PCNP: variants seen among roughly 807,000 people sequenced by gnomAD.
PCNP encodes PEST proteolytic signal-containing nuclear protein.
Under a neutral mutation model 21.8 loss-of-function variants are expected in PCNP, and 6 were observed. The observed-to-expected ratio is 0.28, with a 90% confidence interval of 0.15 to 0.54. The LOEUF (loss-of-function observed/expected upper bound fraction) is 0.54, where lower values mean the gene tolerates loss of function less well. PCNP is among the 20% of genes least tolerant of loss of function. The pLI is 0.95. For missense variants in PCNP, 161 were observed against 215.5 expected (o/e 0.75, Z 1.58); for synonymous variants, 67 against 73.2 (o/e 0.92, Z 0.43).
At chr3:101,574,360 G>A in intron 1 of PCNP, 81 bp downstream of exon 1, 1 of 1,444,942 alleles carries the variant, frequency 6.9e-7, no homozygotes, top group Non-Finnish European at 9.3e-7. Flanking sequence ...GGAGTGGGGT[G>A]GGGCGAGAAT....
At position 101,592,792 on chromosome 3, in the gene PCNP, T is replaced by G. The variant is rs1935881975; in HGVS notation, c.*39T>G. The G allele has an allele frequency of 6.3e-7, 1 of 1,584,362 alleles. No homozygotes were observed. Among genetic ancestry groups the G allele is most frequent in the Non-Finnish European group, 8.6e-7 (1 of 1,166,444 alleles). On this transcript the variant is annotated 3_prime_UTR_variant, in exon 5 of 5. Coordinates refer to ENST00000265260, the MANE Select transcript of PCNP (RefSeq NM_020357.3). ...ATTGGGGTGTGGGGTGGGTGTAAAG[T>G]TAAAAGGAACAGTTTCCTTTTTTAA...
chr3:101,590,561 T>A (rs2108292499), intron 4 of PCNP, among the ~76,000 whole-genome samples: 1 of 152,320 alleles, frequency 6.6e-6, no homozygotes, highest in Non-Finnish European at 1.5e-5. Context: ...TAAGACTACT[T>A]CTTGACAGGG....
At chr3:101,590,789 T>G (rs1440687465) in intron 4 of PCNP, among the ~76,000 whole-genome samples, 1 of 152,062 alleles carries the variant, frequency 6.6e-6, no homozygotes, top group African/African-American at 2.4e-5. Context: ...GTGCAAGTGA[T>G]CTCCCCACCT....
In PCNP at chr3:101,590,746, G is replaced by A. The variant is rs9872125; in HGVS notation, c.410+476G>A. 8.6e-5 allele frequency among the ~76,000 whole-genome samples: 13 copies of A among 151,646 alleles called. 1 individual carries two copies. The highest frequency in any genetic ancestry group is 4.2e-4 in the South Asian group (2 of 4,804). On this transcript the variant is annotated intron_variant, in intron 4 of 4. Transcript: ENST00000265260. ...TTATTTTTAGTAGAGGCAAGGTCTC[G>A]CTATGTTGCCCAGGCTGGTCTGTAA... is the stretch of plus-strand genomic sequence containing the variant.
rs60342764 is a variant in PCNP, at chr3:101,584,313, A to T, written c.280-1124A>T. 7.4e-3 allele frequency among the ~76,000 whole-genome samples: 1,121 copies of T among 152,140 alleles called. 7 individuals carry two copies. The highest frequency in any genetic ancestry group is 0.024 in the African/African-American group (1,006 of 41,496). ...TGGTTGTCTGCTAATTTAAAAAAAAATTTTTTTAGAGATGGGGGACTTGCT... is the reference window on the plus strand; with the variant it reads ...TGGTTGTCTGCTAATTTAAAAAAAATTTTTTTTAGAGATGGGGGACTTGCT... On this transcript the variant is annotated intron_variant, in intron 2 of 4. Transcript: ENST00000265260.
chr3:101,574,351 G>C (rs1433376659), intron 1 of PCNP, 72 bp downstream of exon 1: 1 of 1,436,878 alleles, frequency 7.0e-7, no homozygotes, highest in Non-Finnish European at 9.4e-7. Context: ...AGGGTGGGGG[G>C]AGTGGGGTGG....
At chr3:101,581,339 A>T (rs1334676136) in intron 2 of PCNP, among the ~76,000 whole-genome samples, 1 of 152,046 alleles carries the variant, frequency 6.6e-6, no homozygotes, top group African/African-American at 2.4e-5. Context: ...TCTACTATAG[A>T]TGGTCCCCTT....
intron 1 of PCNP, among the ~76,000 whole-genome samples, chr3:101,578,736 T>A (rs971771410): frequency 6.6e-6 from 1 of 152,194 alleles, no homozygotes; most frequent in Non-Finnish European, 1.5e-5. Flanking sequence ...TGTGTTCGAC[T>A]TTTTTTCTCC....
chr3:101,579,710 G>A, intron 1 of PCNP, 80 bp from the exon 2 acceptor site: 5 of 936,180 alleles, frequency 5.3e-6, no homozygotes, highest in Admixed American at 3.4e-5. Flanking sequence ...TCCTTATAAC[G>A]ATGCTTTTTG....
At chr3:101,574,471 C>T (rs1408588281) in intron 1 of PCNP, among the ~76,000 whole-genome samples, 192 bp downstream of exon 1, 13 of 152,204 alleles carry the variant, frequency 8.5e-5, no homozygotes, top group South Asian at 2.1e-4. Context: ...GCCTCCTTGC[C>T]TGGGGAGAGC....
At chr3:101,590,908 A>C (rs1235095070) in intron 4 of PCNP, among the ~76,000 whole-genome samples, 1 of 151,570 alleles carries the variant, frequency 6.6e-6, no homozygotes, top group Non-Finnish European at 1.5e-5. Flanking sequence ...TTTTGCTGGT[A>C]TGAAACAAAT....
intron 2 of PCNP, among the ~76,000 whole-genome samples, chr3:101,581,310 A>T (rs912718410): frequency 6.6e-6 from 1 of 152,116 alleles, no homozygotes; most frequent in African/African-American, 2.4e-5. Context: ...TATGTTAAAT[A>T]TATATTCTCA....
At chr3:101,574,721 A>T (rs1078154) in intron 1 of PCNP, 23,077 of 163,280 alleles carry the variant, frequency 0.14, 1,712 homozygotes, top group South Asian at 0.2. Flanking sequence ...CCGCAGGCTG[A>T]GTTTCTGACG....
chr3:101,578,240 A>G (rs1036431285), intron 1 of PCNP, among the ~76,000 whole-genome samples: 1 of 152,220 alleles, frequency 6.6e-6, no homozygotes, highest in Non-Finnish European at 1.5e-5. Flanking sequence ...TTTGGGCTCC[A>G]CTATGAAATG....
rs116751324 is a variant in PCNP, at chr3:101,581,714, A to G, written c.279+1710A>G. The stretch of plus-strand genomic sequence containing the variant: ...CTCCCAGAGTGCTGGAATTATGGGC[A>G]TGAGCCACCGAGCTCGGCCCCTCTT... On this transcript the variant is annotated intron_variant, in intron 2 of 4. Transcript: ENST00000265260. Among the ~76,000 whole-genome samples the G allele has an allele frequency of 9.8e-3, 1,484 of 151,320 alleles. 27 individuals carry two copies. Among genetic ancestry groups the G allele is most frequent in the African/African-American group, 0.034 (1,410 of 41,242 alleles).
rs1935448562 is a variant in PCNP, at chr3:101,585,452, G to C, written c.295G>C (p.Val99Leu). The change falls in exon 3 of 5, where the codon GTT (valine) becomes CTT (leucine). Residue 99 changes from valine (V) to leucine (L), a missense_variant. Transcript: ENST00000265260. ...KLGSSKPKET[V>L]PTLAPKTLSV... The stretch of plus-strand genomic sequence containing the variant: ...TCTTCTTCAGAAGCCTAAAGAAACT[G>C]TTCCAACTCTTGCTCCAAAAACTCT... The C allele has an allele frequency of 6.2e-7, 1 of 1,600,980 alleles. No homozygotes were observed.
At chr3:101,589,157 GCTT>G (rs202012510) in intron 3 of PCNP, among the ~76,000 whole-genome samples, 2,563 of 152,134 alleles carry the variant, frequency 0.017, 225 homozygotes, top group Admixed American at 0.14. Flanking sequence ...GCTTGGAAGA[GCTT>G]CTTATTATCA....
Position 101,590,284 on chromosome 3 carries a change from TC to T in PCNP, c.410+15del. 1.5e-6 allele frequency: 2 copies of T among 1,320,014 alleles called. No homozygotes were observed. The highest frequency in any genetic ancestry group is 1.5e-5 in the African/African-American group (1 of 68,194). 81.8% of individuals were successfully genotyped at this position (1,320,014 alleles called of 1,614,324 possible). A position where few individuals can be genotyped will look rare whatever the true frequency, so the allele number is the denominator to read the frequency against. On this transcript the variant is annotated intron_variant, in intron 4 of 4. Transcript: ENST00000265260. ...GAATATTGGAAGGTATTATAATTTT[TC>T]ATAAATATTATAGAAAGATACAAAG...
chr3:101,574,363 G>C (rs1934741077), intron 1 of PCNP, 84 bp downstream of exon 1: 92 of 1,329,392 alleles, frequency 6.9e-5, no homozygotes, highest in Non-Finnish European at 8.4e-5. Flanking sequence ...GTGGGGTGGG[G>C]CGAGAATGGG....
Sources: gnomAD v4.1 joint callset for allele counts (sites outside exome capture counted in the v4.1 genomes callset) on GRCh38, gnomAD v4.1.1 for gene constraint, MANE v1.5 for transcripts, NCBI Gene and HGNC (gene_info 2026-07-23, HGNC 2026-07-21) for gene names.